The following PADI1 variants were observed in gnomAD, a reference collection of about 807,000 sequenced individuals.
PADI1 encodes peptidyl arginine deiminase 1.
A neutral mutation model predicts 74.8 loss-of-function variants in PADI1; 65 were observed. The observed-to-expected ratio is 0.87, with a 90% CI of 0.71 to 1.07. PADI1 has a LOEUF of 1.07. Among genes scored for constraint, PADI1 ranks in the 50% least tolerant of loss-of-function variants. The pLI, the probability that PADI1 is intolerant of heterozygous loss-of-function variation, is 0.00. For missense variants in PADI1, 943 were observed against 854.0 expected, an observed-to-expected ratio of 1.10 and a Z score of -1.30; for synonymous variants, 371 against 336.2, an observed-to-expected ratio of 1.10 and a Z score of -1.13.
chr1:17,220,139 G>C (rs983881790), intron 1 of PADI1, among the ~76,000 whole-genome samples: 1 of 132,326 alleles, frequency 7.6e-6, no homozygotes, highest in East Asian at 2.3e-4. Context: ...GGATGGGGGA[G>C]GTGGGTCTTG....
rs138125614 is a variant in PADI1, at chr1:17,239,753, A to T, written c.1602A>T (p.Arg534Ser). Residue 534 changes from arginine (R) to serine (S), a missense_variant, in exon 14 of 16, where the codon AGA becomes AGT. Arg to Ser is a moderately radical substitution (Grantham distance 110). Coordinates refer to ENST00000375471, the MANE Select transcript of PADI1 (RefSeq NM_013358.3). ...KRSINEMLAD[R>S]HLQRDNLHAQ... ...GCATTAATGAGATGCTGGCAGACAG[A>T]CACCTCCAGAGAGACAATCTTCATG... The T allele has an allele frequency of 4.3e-6, 7 of 1,614,010 alleles. No individual in the cohort carries two copies. The highest frequency in any genetic ancestry group is 5.9e-6 in the Non-Finnish European group (7 of 1,179,850).
In PADI1 at chr1:17,245,587, A is replaced by G. The variant is rs1285126543; in HGVS notation, c.*1344A>G. 1 of 152,192 alleles carries G rather than the reference A, an allele frequency of 6.6e-6. No homozygotes were observed. The highest frequency in any genetic ancestry group is 1.9e-4 in the East Asian group (1 of 5,178). The allele number at this position is 152,192 out of a possible 1,614,324, so 9.4% of individuals were successfully genotyped here. On this transcript the variant is annotated 3_prime_UTR_variant, in exon 16 of 16. Coordinates refer to ENST00000375471, the MANE Select transcript of PADI1 (RefSeq NM_013358.3). This position sits in a 1 kb window ranked among gnomAD's most constrained non-coding sequence, Gnocchi z 4.1. ...GCTGAGACCTCACACTGAGCCAACT[A>G]CTGTCACTGTTTTAACCAACAAAAG...
At chr1:17,209,797 C>T (rs1332979217) in intron 1 of PADI1, among the ~76,000 whole-genome samples, 1 of 152,132 alleles carries the variant, frequency 6.6e-6, no homozygotes, top group Non-Finnish European at 1.5e-5. Context: ...GGAGTGACAT[C>T]CCTTATTGTT....
At chr1:17,224,476 T>C in intron 4 of PADI1, 48 bp downstream of exon 4, 1 of 1,454,802 alleles carries the variant, frequency 6.9e-7, no homozygotes, top group Middle Eastern at 1.7e-4. Context: ...AAAGGCAAAC[T>C]TGGGGTGGTC....
intron 12 of PADI1, 77 bp downstream of exon 12, chr1:17,237,535 T>C: frequency 7.1e-7 from 1 of 1,407,030 alleles, no homozygotes; most frequent in African/African-American, 1.4e-5. Context: ...CAAAGCCATC[T>C]GGAACCAGCT....
chr1:17,233,925 G>C (rs946369374), intron 11 of PADI1, among the ~76,000 whole-genome samples: 5 of 152,230 alleles, frequency 3.3e-5, no homozygotes, highest in African/African-American at 9.6e-5. Flanking sequence ...GCTGAGACTG[G>C]CCAGGCGAGA....
rs11203335 is a variant in PADI1, at chr1:17,222,397, G to T, written c.200G>T (p.Arg67Leu). Residue 67 changes from arginine (R) to leucine (L), a missense_variant, in exon 2 of 16, where the codon CGT becomes CTT. By Grantham distance (102) the Arg-to-Leu change is moderately radical. Coordinates refer to ENST00000375471, the MANE Select transcript of PADI1 (RefSeq NM_013358.3). ...GTGAAAGAGCCCATAGGCAAGGCCC[G>T]TTGGCCGCTAGACACTGATGCAGAC... ...TRVKEPIGKA[R>L]WPLDTDADMV... 14 of 1,614,004 alleles carry T rather than the reference G, an allele frequency of 8.7e-6. No homozygotes were observed. The highest frequency in any genetic ancestry group is 1.1e-5 in the South Asian group (1 of 91,080).
rs181203918 is a variant in PADI1, at chr1:17,236,906, C to T, written c.1314-408C>T. 9.2e-4 allele frequency among the ~76,000 whole-genome samples: 140 copies of T among 152,280 alleles called. 1 individual carries two copies. Among genetic ancestry groups the T allele is most frequent in the African/African-American group, 3.0e-3 (126 of 41,552 alleles). ...GGGTGTAGAAACAGCTGTGCAAAGG[C>T]CCTGAGGCAAGAGCAGGCTGGAGAC... On this transcript the variant is annotated intron_variant, in intron 11 of 15. Coordinates refer to ENST00000375471, the MANE Select transcript of PADI1 (RefSeq NM_013358.3).
At chr1:17,207,726 T>G (rs1177673467) in intron 1 of PADI1, among the ~76,000 whole-genome samples, 1 of 152,252 alleles carries the variant, frequency 6.6e-6, no homozygotes, top group Non-Finnish European at 1.5e-5. Flanking sequence ...TCATAGCTGT[T>G]GTGCTCTGGT....
intron 1 of PADI1, among the ~76,000 whole-genome samples, chr1:17,218,829 T>C (rs1211379308): frequency 6.6e-6 from 1 of 152,056 alleles, no homozygotes; most frequent in African/African-American, 2.4e-5. Flanking sequence ...AGGGCTGGTC[T>C]TGGGCAAGAG....
chr1:17,223,727 C>T (rs1157927232), intron 3 of PADI1, 34 bp downstream of exon 3: 3 of 1,574,584 alleles, frequency 1.9e-6, no homozygotes, highest in South Asian at 2.2e-5. Context: ...CCATCTATCC[C>T]TTTGCCCCTC....
At chr1:17,229,778 G>A (rs997135372) in intron 8 of PADI1, among the ~76,000 whole-genome samples, 7 of 152,172 alleles carry the variant, frequency 4.6e-5, no homozygotes, top group African/African-American at 1.7e-4. Flanking sequence ...GCCCCTCACT[G>A]CTATTTTAAC....
At chr1:17,209,413 G>A (rs1296164994) in intron 1 of PADI1, among the ~76,000 whole-genome samples, 1 of 152,154 alleles carries the variant, frequency 6.6e-6, no homozygotes. Flanking sequence ...TGACAGGCCC[G>A]GGGGTTGTAA....
chr1:17,237,226 C>G, intron 11 of PADI1, 88 bp from the exon 12 acceptor site: 1 of 1,434,856 alleles, frequency 7.0e-7, no homozygotes, highest in Admixed American at 2.2e-5. Flanking sequence ...GCAATTCCGC[C>G]CCCTGGTGGC....
chr1:17,243,106 C>T (rs2072810673), intron 15 of PADI1, among the ~76,000 whole-genome samples: 1 of 152,210 alleles, frequency 6.6e-6, no homozygotes, highest in Non-Finnish European at 1.5e-5. Context: ...CAGCCCAGAG[C>T]CGCCCTCTAG....
rs192412693 is a variant in PADI1, at chr1:17,231,228, C to G, written c.1161+549C>G. Among the ~76,000 whole-genome samples, 23 of 152,282 alleles carry G rather than the reference C, an allele frequency of 1.5e-4. No homozygotes were observed. In the East Asian group the frequency reaches 4.4e-3, roughly 29 times the overall value. Reference sequence around the variant, plus strand: ...ACCTTATGTATTCCATGGGGTACTCCTACAGATAAGTGCTATCATTATTTC... The same window carrying G: ...ACCTTATGTATTCCATGGGGTACTCGTACAGATAAGTGCTATCATTATTTC... On this transcript the variant is annotated intron_variant, in intron 10 of 15. Coordinates refer to ENST00000375471, the MANE Select transcript of PADI1 (RefSeq NM_013358.3).
chr1:17,236,611 G>A (rs537962537), intron 11 of PADI1, among the ~76,000 whole-genome samples: 90 of 152,188 alleles, frequency 5.9e-4, no homozygotes, highest in African/African-American at 2.0e-3. Context: ...AAAATTAGCC[G>A]TGCGTGGTGG....
At chr1:17,222,214 C>T (rs1305282139) in intron 1 of PADI1, 76 bp from the exon 2 acceptor site, 4 of 1,108,206 alleles carry the variant, frequency 3.6e-6, no homozygotes, top group Non-Finnish European at 5.4e-6. Context: ...CAGCCCCAAG[C>T]CCCCACCCCA....
chr1:17,222,194 A>C, intron 1 of PADI1, 96 bp from the exon 2 acceptor site: 1 of 838,604 alleles, frequency 1.2e-6, no homozygotes, highest in South Asian at 1.6e-5. Context: ...GTGCCATTTG[A>C]ACGGCCTGGC....
Sources: allele counts gnomAD v4.1 joint callset (sites outside exome capture counted in the v4.1 genomes callset), GRCh38; gene constraint gnomAD v4.1.1; non-coding constraint Gnocchi (gnomAD v3.1); transcripts MANE v1.5; gene names NCBI Gene and HGNC (gene_info 2026-07-23, HGNC 2026-07-21).